Variants in SLF1 observed in about 807,000 individuals in gnomAD.
SLF1 encodes SMC5/6 complex localization factor 1, also known as SMC5-SMC6 complex localization factor protein 1.
In SLF1, 105 loss-of-function variants were observed where a neutral mutation model predicts 123.0. The ratio of observed to expected loss-of-function variants is 0.85; its 90% CI spans 0.73 to 1.00. The LOEUF (loss-of-function observed/expected upper bound fraction) is 1.00, where lower values mean the gene tolerates loss of function less well. Among genes scored for constraint, SLF1 ranks in the 50% least tolerant of loss-of-function variants. The pLI, the probability that SLF1 is intolerant of heterozygous loss-of-function variation, is 0.00. For synonymous variants in SLF1, 434 were observed against 406.6 expected (o/e 1.07, Z -0.81); for missense variants, 1,239 against 1,223.0 (o/e 1.01, Z -0.20).
At chr5:94,676,666 C>G (rs1489784137) in intron 14 of SLF1, among the ~76,000 whole-genome samples, 1 of 152,256 alleles carries the variant, frequency 6.6e-6, no homozygotes, top group Non-Finnish European at 1.5e-5. Context: ...TCTAGCCCTA[C>G]ACGAATGCAG....
At chr5:94,642,723 T>C (rs902181521) in intron 4 of SLF1, among the ~76,000 whole-genome samples, 1 of 152,218 alleles carries the variant, frequency 6.6e-6, no homozygotes, top group Non-Finnish European at 1.5e-5. Context: ...TGTGTGTGTC[T>C]TCTTAGTCTA....
intron 7 of SLF1, among the ~76,000 whole-genome samples, chr5:94,652,779 C>T (rs562668409): frequency 2.6e-5 from 4 of 152,192 alleles, no homozygotes; most frequent in South Asian, 2.1e-4. Context: ...AGGCAGTGTC[C>T]GACTTTTTTC....
At chr5:94,686,035 T>C (rs138868083) in intron 15 of SLF1, among the ~76,000 whole-genome samples, 76 of 152,246 alleles carry the variant, frequency 5.0e-4, no homozygotes, top group Middle Eastern at 3.4e-3. Context: ...GTGCGTTTCT[T>C]CTTGTTTCAT....
At chr5:94,626,662 C>T (rs1792276862) in intron 1 of SLF1, among the ~76,000 whole-genome samples, 1 of 152,096 alleles carries the variant, frequency 6.6e-6, no homozygotes, top group African/African-American at 2.4e-5. Context: ...TTTCTGCATC[C>T]TTCTGCAAGA....
chr5:94,638,764 C>T lies in SLF1; in HGVS notation c.432-4509C>T, dbSNP rs569365104. Among the ~76,000 whole-genome samples, 22 of 152,254 alleles carry T rather than the reference C, an allele frequency of 1.4e-4. No individual in the cohort carries two copies. In the East Asian group the frequency reaches 1.5e-3, roughly 11 times the overall value. On this transcript the variant is annotated intron_variant, in intron 4 of 20. Coordinates refer to ENST00000265140, the MANE Select transcript of SLF1 (RefSeq NM_032290.4). ...TTTTATGAAGTTCTGTGGTTTACGC[C>T]GGTATCCCAGGCTTGATATTAATTG...
intron 4 of SLF1, among the ~76,000 whole-genome samples, chr5:94,631,970 C>CTTTTTT (rs1021934536): frequency 9.2e-6 from 1 of 108,786 alleles, no homozygotes; most frequent in African/African-American, 3.3e-5. Flanking sequence ...TTTTTTCTTT[C>CTTTTTT]TTTTTTTTTT....
intron 10 of SLF1, among the ~76,000 whole-genome samples, chr5:94,662,654 T>C (rs998781961): frequency 1.3e-5 from 2 of 152,230 alleles, no homozygotes; most frequent in Admixed American, 1.3e-4. Context: ...TGACTACTTT[T>C]AGATTAAAAT....
Position 94,643,320 on chromosome 5 carries a change from C to G in SLF1, c.479C>G (p.Pro160Arg). The G allele has an allele frequency of 6.5e-7, 1 of 1,542,352 alleles. No homozygotes were observed. The highest frequency in any genetic ancestry group is 1.4e-5 in the African/African-American group (1 of 72,618). The change falls in exon 5 of 21, where the codon CCA becomes CGA. Residue 160 changes from proline (P) to arginine (R), a missense_variant. Physicochemically the swap from Pro to Arg is moderately radical, Grantham distance 103 (BLOSUM62 -2). Coordinates refer to ENST00000265140, the MANE Select transcript of SLF1 (RefSeq NM_032290.4). ...KANVILPKSS[P>R]SGITHVIASN... Reference sequence around the variant, plus strand: ...AATGTTATTTTACCAAAAAGTTCACCAAGTGGAATAACTCATGTGATTGCC... The same window carrying G: ...AATGTTATTTTACCAAAAAGTTCACGAAGTGGAATAACTCATGTGATTGCC...
At chr5:94,664,255 A>G (rs1585180873) in intron 11 of SLF1, among the ~76,000 whole-genome samples, 1 of 152,196 alleles carries the variant, frequency 6.6e-6, no homozygotes, top group East Asian at 1.9e-4. Context: ...TACATTGATG[A>G]TTATCATTTT....
At chr5:94,677,114 A>C (rs1210949484) in intron 14 of SLF1, among the ~76,000 whole-genome samples, 2 of 152,204 alleles carry the variant, frequency 1.3e-5, no homozygotes, top group African/African-American at 4.8e-5. Context: ...TGAGTGTGTT[A>C]GTTTAGATTA....
intron 1 of SLF1, among the ~76,000 whole-genome samples, chr5:94,628,168 TG>T (rs1274336508): frequency 2.0e-5 from 3 of 150,572 alleles, no homozygotes; most frequent in Non-Finnish European, 4.4e-5. Context: ...ATTTTTGAGA[TG>T]GAGTCTTGCT....
intron 20 of SLF1, among the ~76,000 whole-genome samples, chr5:94,693,962 G>T (rs1753312610): frequency 1.3e-5 from 2 of 151,560 alleles, no homozygotes; most frequent in East Asian, 1.9e-4. Flanking sequence ...ATGAATTTTA[G>T]CAGTTATAAT....
chr5:94,689,876 C>T (rs1473442497), intron 18 of SLF1, among the ~76,000 whole-genome samples: 1 of 152,140 alleles, frequency 6.6e-6, no homozygotes, highest in Non-Finnish European at 1.5e-5. Context: ...ATTCATTGAG[C>T]TCATTCCAGA....
At chr5:94,664,339 G>T (rs1287826434) in intron 11 of SLF1, among the ~76,000 whole-genome samples, 1 of 152,116 alleles carries the variant, frequency 6.6e-6, no homozygotes, top group East Asian at 1.9e-4. Context: ...CTGTTGTCCA[G>T]GCTGGACTGC....
intron 4 of SLF1, among the ~76,000 whole-genome samples, chr5:94,631,392 CTT>C (rs1745181692): frequency 1.3e-5 from 2 of 152,272 alleles, no homozygotes; most frequent in South Asian, 4.2e-4. Context: ...ATAATGTTCT[CTT>C]GTGTCCTTGA....
chr5:94,626,059 C>T (rs1178258004), intron 1 of SLF1, among the ~76,000 whole-genome samples: 2 of 151,718 alleles, frequency 1.3e-5, no homozygotes, highest in Non-Finnish European at 2.9e-5. Flanking sequence ...CGAGACCGTC[C>T]TGGCTAACAC....
intron 1 of SLF1, among the ~76,000 whole-genome samples, chr5:94,621,696 A>G (rs1445180195): frequency 6.6e-6 from 1 of 152,014 alleles, no homozygotes; most frequent in East Asian, 1.9e-4. Flanking sequence ...ACATCTCCGT[A>G]TGTCCTCCTA....
chr5:94,664,012 G>T, intron 11 of SLF1, 104 bp downstream of exon 11: 1 of 1,153,718 alleles, frequency 8.7e-7, no homozygotes, highest in South Asian at 2.2e-5. Context: ...CCTGTTCAGT[G>T]TTTTTTTTTC....
At chr5:94,640,366 T>C (rs79039532) in intron 4 of SLF1, among the ~76,000 whole-genome samples, 3,514 of 152,296 alleles carry the variant, frequency 0.023, 71 homozygotes, top group Non-Finnish European at 0.033. Context: ...CATTCTTTTT[T>C]TCCGTTTGTA....
Sources: gnomAD v4.1 joint callset for allele counts (sites outside exome capture counted in the v4.1 genomes callset) on GRCh38, gnomAD v4.1.1 for gene constraint, MANE v1.5 for transcripts, NCBI Gene and HGNC (gene_info 2026-07-23, HGNC 2026-07-21) for gene names.